The following ACAA2 variants were observed in gnomAD, a reference collection of about 807,000 sequenced individuals.
ACAA2 encodes the protein 3-ketoacyl-CoA thiolase, mitochondrial.
In ACAA2, 35 loss-of-function variants were observed where a neutral mutation model predicts 44.8. The ratio of observed to expected loss-of-function variants is 0.78; its 90% CI spans 0.60 to 1.04. The LOEUF (loss-of-function observed/expected upper bound fraction) is 1.04, where lower values mean the gene tolerates loss of function less well. Ranked by LOEUF, ACAA2 falls within the 50% of genes least tolerant of loss-of-function variation. The pLI is 0.00. For missense variants in ACAA2, 468 were observed against 482.6 expected (o/e 0.97, Z 0.28); for synonymous variants, 142 against 166.5 (o/e 0.85, Z 1.13).
chr18:49,812,489 A>T (rs1241492047), intron 1 of ACAA2, among the ~76,000 whole-genome samples: 1 of 152,000 alleles, frequency 6.6e-6, no homozygotes, highest in Non-Finnish European at 1.5e-5. Context: ...CTTTCTATCA[A>T]ATCCACCTCC....
intron 4 of ACAA2, 123 bp from the exon 5 acceptor site, chr18:49,794,550 C>T (rs1392147295): frequency 2.6e-6 from 2 of 763,972 alleles, no homozygotes; most frequent in Admixed American, 3.8e-5. Context: ...TTTCTGATAA[C>T]CACTATTCAT....
intron 1 of ACAA2, among the ~76,000 whole-genome samples, chr18:49,813,198 C>G (rs2023691452): frequency 6.6e-6 from 1 of 152,224 alleles, no homozygotes; most frequent in African/African-American, 2.4e-5. Flanking sequence ...AAAGGAATGA[C>G]CTCCAAGGTC....
chr18:49,786,254 GA>G (rs1457025250), intron 8 of ACAA2: 1 of 152,280 alleles, frequency 6.6e-6, no homozygotes, highest in African/African-American at 2.4e-5. Context: ...AAGAGACCTA[GA>G]ATAGGTAGTG....
At chr18:49,801,237 C>T (rs972167629) in intron 2 of ACAA2, among the ~76,000 whole-genome samples, 4 of 152,154 alleles carry the variant, frequency 2.6e-5, no homozygotes, top group African/African-American at 9.7e-5. Flanking sequence ...TTATGTTAAG[C>T]ACTTAACATC....
chr18:49,794,261 A>C lies in ACAA2; in HGVS notation c.577+19T>G, dbSNP rs776800342. 1.1e-5 allele frequency: 17 copies of C among 1,583,528 alleles called. No homozygotes were observed. The highest frequency in any genetic ancestry group is 1.4e-5 in the Non-Finnish European group (16 of 1,169,710). ...AGATATTTATTCTATAGATACTGATACTTTCCAGTTTCACTCACCAGCTTT... is the reference window on the plus strand; with the variant it reads ...AGATATTTATTCTATAGATACTGATCCTTTCCAGTTTCACTCACCAGCTTT... On this transcript the variant is annotated intron_variant, in intron 5 of 9. Transcript: ENST00000285093.
At chr18:49,803,344 T>C (rs555085074) in intron 1 of ACAA2, among the ~76,000 whole-genome samples, 1 of 152,000 alleles carries the variant, frequency 6.6e-6, no homozygotes, top group East Asian at 1.9e-4. Context: ...TGAAAAAGCA[T>C]TGCAAAACTT....
intron 1 of ACAA2, among the ~76,000 whole-genome samples, chr18:49,806,473 G>C (rs1433203996): frequency 6.6e-6 from 1 of 152,098 alleles, no homozygotes; most frequent in East Asian, 1.9e-4. Context: ...GGTGCATGGG[G>C]GTGATTTTGT....
intron 7 of ACAA2, among the ~76,000 whole-genome samples, chr18:49,787,973 T>C (rs760327433): frequency 1.3e-5 from 2 of 152,162 alleles, no homozygotes; most frequent in African/African-American, 2.4e-5. Flanking sequence ...CACAGAGAGA[T>C]GGGAAACTAC....
chr18:49,799,654 G>A (rs1210615241), intron 2 of ACAA2, among the ~76,000 whole-genome samples: 5 of 152,012 alleles, frequency 3.3e-5, no homozygotes, highest in South Asian at 2.1e-4. Flanking sequence ...GGGAAGTGAG[G>A]AGCGTCTCTG....
In ACAA2 at chr18:49,797,603, G is replaced by C. The variant is rs776719459; in HGVS notation, c.184-9C>G. The C allele has an allele frequency of 3.2e-6, 5 of 1,578,280 alleles. No individual in the cohort carries two copies. Among genetic ancestry groups the C allele is most frequent in the South Asian group, 2.3e-5 (2 of 85,238 alleles). ...ATAGCATCTGAAGAACTCTAGAAGA[G>C]AGAAGGAAAAGAAAAATAATTTTCT... On this transcript the variant is annotated splice_polypyrimidine_tract_variant and intron_variant, in intron 2 of 9. Coordinates refer to ENST00000285093, the MANE Select transcript of ACAA2 (RefSeq NM_006111.3).
intron 7 of ACAA2, among the ~76,000 whole-genome samples, chr18:49,790,775 A>G (rs1278596588): frequency 6.6e-6 from 1 of 152,214 alleles, no homozygotes; most frequent in Admixed American, 6.5e-5. Context: ...ATGTTTATGG[A>G]CTTCCAAATT....
In ACAA2 at chr18:49,794,444, A is replaced by T. The variant is rs761533071; in HGVS notation, c.430-17T>A. ...ATCTTCCAGCTATTAAAAGACATTAATAAAGTGACTTGTTAAGGCATTTCC... is the reference window on the plus strand; with the variant it reads ...ATCTTCCAGCTATTAAAAGACATTATTAAAGTGACTTGTTAAGGCATTTCC... On this transcript the variant is annotated splice_polypyrimidine_tract_variant and intron_variant, in intron 4 of 9. Transcript: ENST00000285093. 2 of 1,540,778 alleles carry T rather than the reference A, an allele frequency of 1.3e-6. No homozygotes were observed. Among genetic ancestry groups the T allele is most frequent in the Non-Finnish European group, 1.7e-6 (2 of 1,146,934 alleles).
Position 49,787,367 on chromosome 18 carries a change from T to G in ACAA2, c.884-6A>C, listed in dbSNP as rs1268864534. The G allele has an allele frequency of 2.1e-6, 3 of 1,406,332 alleles. No individual in the cohort carries two copies. The highest frequency in any genetic ancestry group is 2.8e-6 in the Non-Finnish European group (3 of 1,076,578). The allele number at this position is 1,406,332 out of a possible 1,614,324, so 87.1% of individuals were successfully genotyped here. A position where few individuals can be genotyped will look rare whatever the true frequency, so the allele number is the denominator to read the frequency against. On this transcript the variant is annotated splice_region_variant and splice_polypyrimidine_tract_variant and intron_variant, in intron 7 of 9. Transcript: ENST00000285093. The stretch of plus-strand genomic sequence containing the variant: ...ACTGATAGCAGGGACAGGACCTATA[T>G]AATAATAAAAATCTTCTATAAAAAT...
At chr18:49,785,589 A>G (rs952710552) in intron 8 of ACAA2, 2 of 501,162 alleles carry the variant, frequency 4.0e-6, no homozygotes, top group African/African-American at 3.9e-5. Context: ...GTAATCCCAT[A>G]AATTGACACA....
Position 49,791,325 on chromosome 18 carries a change from A to G in ACAA2, c.883+145T>C, listed in dbSNP as rs1229929107. The G allele has an allele frequency of 4.3e-6, 3 of 691,572 alleles. No individual in the cohort carries two copies. The Admixed American group carries it at 8.7e-5, about 20-fold the overall frequency. The allele number at this position is 691,572 out of a possible 1,614,324, so 42.8% of individuals were successfully genotyped here. Reference sequence around the variant, plus strand: ...TCTATTGTGTCTAGGACAGTTCTTCATAAAGATTTTTTATTTAAACTGATT... The same window carrying G: ...TCTATTGTGTCTAGGACAGTTCTTCGTAAAGATTTTTTATTTAAACTGATT... On this transcript the variant is annotated intron_variant, in intron 7 of 9. Transcript: ENST00000285093.
chr18:49,791,159 ATTC>A (rs1218304995), intron 7 of ACAA2, among the ~76,000 whole-genome samples: 3 of 152,188 alleles, frequency 2.0e-5, no homozygotes, highest in Non-Finnish European at 2.9e-5. Flanking sequence ...GGATCACGTA[ATTC>A]TTCTGTTATT....
In ACAA2 at chr18:49,795,815, A is replaced by G; in HGVS notation, c.379T>C (p.Tyr127His). 1 of 1,612,288 alleles carries G rather than the reference A, an allele frequency of 6.2e-7. No homozygotes were observed. The highest frequency in any genetic ancestry group is 8.5e-7 in the Non-Finnish European group (1 of 1,179,070). ...GGTESMSQAP[Y>H]CVRNVRFGTK... ...CCAAAACGCACATTTCTGACACAGTAGGGAGCTTGGCTCATGCTTTCGGTT... is the reference window on the plus strand; with the variant it reads ...CCAAAACGCACATTTCTGACACAGTGGGGAGCTTGGCTCATGCTTTCGGTT... The change falls in exon 4 of 10, where the codon TAC becomes CAC. Residue 127 changes from tyrosine (Y) to histidine (H), a missense_variant. Transcript: ENST00000285093.
rs2143963133 is a variant in ACAA2 at position 49,797,684 on chromosome 18, A to C, written c.184-90T>G. On this transcript the variant is annotated intron_variant, in intron 2 of 9. Transcript: ENST00000285093. Reference sequence around the variant, plus strand: ...AAATACATGGAAATGTTGGCAATCTATCAAAAATGATAAACTATATGGCTC... The same window carrying C: ...AAATACATGGAAATGTTGGCAATCTCTCAAAAATGATAAACTATATGGCTC... 3 of 1,099,230 alleles carry C rather than the reference A, an allele frequency of 2.7e-6. 1 individual carries two copies. In the South Asian group the frequency reaches 4.9e-5, roughly 18 times the overall value. 68.1% of individuals were successfully genotyped at this position (1,099,230 alleles called of 1,614,324 possible).
chr18:49,812,677 C>A (rs904599681), intron 1 of ACAA2: 5 of 152,184 alleles, frequency 3.3e-5, no homozygotes, highest in Admixed American at 6.5e-5. Context: ...CATTACCCCG[C>A]TTTAAATCCC....
Sources: gnomAD v4.1 joint callset for allele counts (sites outside exome capture counted in the v4.1 genomes callset) on GRCh38, gnomAD v4.1.1 for gene constraint, MANE v1.5 for transcripts, NCBI Gene and HGNC (gene_info 2026-07-23, HGNC 2026-07-21) for gene names.